The following NUP155 variants were observed in gnomAD, a reference collection of about 807,000 sequenced individuals.
The protein encoded by NUP155 is nucleoporin 155, also known as nuclear pore complex protein Nup155.
A neutral mutation model predicts 180.4 loss-of-function variants in NUP155; 71 were observed. The ratio of observed to expected loss-of-function variants is 0.39; its 90% CI spans 0.33 to 0.48. The LOEUF is 0.48. Among genes scored for constraint, NUP155 ranks in the 20% least tolerant of loss-of-function variants. NUP155 has a pLI of 0.91. For missense variants in NUP155, 1,553 were observed against 1,648.9 expected, an observed-to-expected ratio of 0.94 and a Z score of 1.01; for synonymous variants, 582 against 559.5, an observed-to-expected ratio of 1.04 and a Z score of -0.57.
intron 4 of NUP155, among the ~76,000 whole-genome samples, chr5:37,357,534 G>A (rs1239356748): frequency 1.3e-5 from 2 of 150,710 alleles, no homozygotes; most frequent in South Asian, 4.2e-4. Context: ...TCAAGAAAGA[G>A]CAGTAAAAAG....
chr5:37,357,021 C>T (rs1199069681), intron 4 of NUP155, among the ~76,000 whole-genome samples: 3 of 152,232 alleles, frequency 2.0e-5, no homozygotes, highest in Non-Finnish European at 2.9e-5. Context: ...GCAAGAGAAT[C>T]GCTCAATCCT....
At chr5:37,298,768 G>A (rs1247343218) in intron 32 of NUP155, 100 bp downstream of exon 32, 1 of 741,060 alleles carries the variant, frequency 1.3e-6, no homozygotes, top group Non-Finnish European at 2.4e-6. Context: ...AAATAGCAAA[G>A]AAACTCTTTA....
At chr5:37,330,821 A>G (rs533598579) in intron 14 of NUP155, among the ~76,000 whole-genome samples, 11 of 152,326 alleles carry the variant, frequency 7.2e-5, no homozygotes, top group Non-Finnish European at 4.4e-5. Flanking sequence ...TATAACCTGA[A>G]CAAGAAACTC....
At chr5:37,358,194 A>C in intron 3 of NUP155, 43 bp from the exon 4 acceptor site, 3 of 1,353,086 alleles carry the variant, frequency 2.2e-6, no homozygotes, top group Non-Finnish European at 3.2e-6. Context: ...TATAAAGCAA[A>C]TAGGCCAGAT....
At chr5:37,304,535 A>T (rs968688707) in intron 27 of NUP155, among the ~76,000 whole-genome samples, 1 of 152,174 alleles carries the variant, frequency 6.6e-6, no homozygotes, top group Non-Finnish European at 1.5e-5. Flanking sequence ...AAACTATCCC[A>T]ATCAGCTTCG....
intron 1 of NUP155, among the ~76,000 whole-genome samples, chr5:37,365,685 G>A (rs1344276198): frequency 8.3e-6 from 1 of 119,938 alleles, no homozygotes; most frequent in Non-Finnish European, 1.6e-5. Context: ...TCCAGCCAGG[G>A]TGACAGAGCA....
In NUP155 at chr5:37,338,311, C is replaced by G. The variant is rs535858853; in HGVS notation, c.1247-393G>C. ...CCAGCCTGGGCGCCAGAGCAAGATT[C>G]CGTCTCAAAAAAAAAAAAAAAAAAA... is the stretch of plus-strand genomic sequence containing the variant. On this transcript the variant is annotated intron_variant, in intron 11 of 34. Coordinates refer to ENST00000231498, the MANE Select transcript of NUP155 (RefSeq NM_153485.3). Among the ~76,000 whole-genome samples, 5 of 136,352 alleles carry G rather than the reference C, an allele frequency of 3.7e-5. No individual in the cohort carries two copies. In the South Asian group the frequency reaches 1.1e-3, roughly 31 times the overall value. 89.5% of individuals were successfully genotyped at this position (136,352 alleles called of 152,430 possible).
In NUP155 at chr5:37,291,681, C is replaced by A; in HGVS notation, c.*219G>T. 2 of 417,684 alleles carry A rather than the reference C, an allele frequency of 4.8e-6. No homozygotes were observed. The highest frequency in any genetic ancestry group is 8.6e-6 in the Non-Finnish European group (2 of 232,724). The allele number at this position is 417,684 out of a possible 1,614,324, so 25.9% of individuals were successfully genotyped here. ...TCCTTATGTTAAAATAATAAATAAT[C>A]TCATTTCAGTTGTTTTTTCACCCAA... On this transcript the variant is annotated 3_prime_UTR_variant, in exon 35 of 35. Coordinates refer to ENST00000231498, the MANE Select transcript of NUP155 (RefSeq NM_153485.3).
chr5:37,298,545 T>C (rs1024212557), intron 32 of NUP155, among the ~76,000 whole-genome samples: 4 of 152,218 alleles, frequency 2.6e-5, no homozygotes, highest in Non-Finnish European at 5.9e-5. Context: ...AGATTACCTA[T>C]GCACAAAAAC....
At chr5:37,364,015 G>T in intron 2 of NUP155, 31 bp from the exon 3 acceptor site, 1 of 1,488,834 alleles carries the variant, frequency 6.7e-7, no homozygotes, top group Non-Finnish European at 9.4e-7. Context: ...GGCAGACAGA[G>T]GTGAATCTTA....
At chr5:37,351,844 A>G (rs1746482484) in intron 5 of NUP155, among the ~76,000 whole-genome samples, 1 of 151,838 alleles carries the variant, frequency 6.6e-6, no homozygotes, top group African/African-American at 2.4e-5. Context: ...TGATAATTCA[A>G]GTTAAACAGA....
At chr5:37,308,869 G>A (rs1292247669) in intron 24 of NUP155, among the ~76,000 whole-genome samples, 2 of 98,312 alleles carry the variant, frequency 2.0e-5, no homozygotes, top group African/African-American at 4.6e-5. Flanking sequence ...GACAGAGCGA[G>A]ACTCTCAAAA....
At position 37,329,971 on chromosome 5, in the gene NUP155, A is replaced by G. The variant is rs1265997573; in HGVS notation, c.1724+67T>C. The G allele has an allele frequency of 5.3e-6, 6 of 1,142,638 alleles. No individual in the cohort carries two copies. The Admixed American group carries it at 9.6e-5, about 18-fold the overall frequency. The allele number at this position is 1,142,638 out of a possible 1,614,324, so 70.8% of individuals were successfully genotyped here. A position where few individuals can be genotyped will look rare whatever the true frequency, so the allele number is the denominator to read the frequency against. On this transcript the variant is annotated intron_variant, in intron 15 of 34. Transcript: ENST00000231498. The stretch of plus-strand genomic sequence containing the variant: ...TGTTTGGCAAGGCTTTATCACATTG[A>G]TAAAATCATTTTAAAAAGTGGCCCA...
intron 4 of NUP155, 71 bp from the exon 5 acceptor site, chr5:37,352,900 C>A: frequency 9.9e-7 from 1 of 1,015,034 alleles, no homozygotes; most frequent in South Asian, 1.3e-5. Flanking sequence ...CTTTTATTAC[C>A]ATTAAAGTGA....
chr5:37,348,027 G>A (rs953839113), intron 9 of NUP155, among the ~76,000 whole-genome samples: 14 of 152,060 alleles, frequency 9.2e-5, no homozygotes, highest in Admixed American at 2.6e-4. Flanking sequence ...CCAACTACTC[G>A]GGAGGCTGAG....
rs751260215 is a variant in NUP155 at position 37,350,280 on chromosome 5, T to A, written c.724-15A>T. 1 of 1,561,186 alleles carries A rather than the reference T, an allele frequency of 6.4e-7. No homozygotes were observed. On this transcript the variant is annotated splice_polypyrimidine_tract_variant and intron_variant, in intron 6 of 34. Coordinates refer to ENST00000231498, the MANE Select transcript of NUP155 (RefSeq NM_153485.3). ...CCTGCTTCAGCCTTAAAGAAAAAAG[T>A]AGAAAGACGACTTATAAAAGTATGT...
intron 24 of NUP155, among the ~76,000 whole-genome samples, chr5:37,307,817 A>G (rs961966024): frequency 6.6e-6 from 1 of 151,576 alleles, no homozygotes; most frequent in Non-Finnish European, 1.5e-5. Flanking sequence ...AGCTACTCAA[A>G]AGGCTGAGGC....
Position 37,290,033 on chromosome 5 carries a change from T to A in NUP155, c.*1867A>T, listed in dbSNP as rs551636106. ...AGATTATAGGGAAAAGGGAGCTGAA[T>A]TCTAAGAGAACAAATGTAGAGAAGG... On this transcript the variant is annotated 3_prime_UTR_variant, in exon 35 of 35. Coordinates refer to ENST00000231498, the MANE Select transcript of NUP155 (RefSeq NM_153485.3). 1 of 152,296 alleles carries A rather than the reference T, an allele frequency of 6.6e-6. No individual in the cohort carries two copies. Among genetic ancestry groups the A allele is most frequent in the South Asian group, 2.1e-4 (1 of 4,832 alleles). 9.4% of individuals were successfully genotyped at this position (152,296 alleles called of 1,614,324 possible).
intron 15 of NUP155, among the ~76,000 whole-genome samples, 157 bp from the exon 16 acceptor site, chr5:37,329,435 TATA>T (rs1744816939): frequency 6.6e-6 from 1 of 152,238 alleles, no homozygotes; most frequent in Non-Finnish European, 1.5e-5. Flanking sequence ...GCATAAGACT[TATA>T]ATAAATATTT....
Sources: allele counts gnomAD v4.1 joint callset (sites outside exome capture counted in the v4.1 genomes callset), GRCh38; gene constraint gnomAD v4.1.1; transcripts MANE v1.5; gene names NCBI Gene and HGNC (gene_info 2026-07-23, HGNC 2026-07-21).